The following ACAP2 variants were observed in gnomAD, a reference collection of about 807,000 sequenced individuals.
ACAP2 encodes the protein arf-GAP with coiled-coil, ANK repeat and PH domain-containing protein 2.
ACAP2 carries 39 observed loss-of-function variants against 115.8 expected under a neutral mutation model. The ratio of observed to expected loss-of-function variants is 0.34; its 90% CI spans 0.26 to 0.44. The LOEUF is 0.44. Ranked by LOEUF, ACAP2 falls within the 20% of genes least tolerant of loss-of-function variation. The probability of loss-of-function intolerance (pLI) is 1.00; values close to 1 mark genes in which losing one functional copy is unlikely to be tolerated. For synonymous variants in ACAP2, 289 were observed against 315.8 expected (o/e 0.92, Z 0.90); for missense variants, 662 against 927.6 (o/e 0.71, Z 3.72).
Position 195,437,759 on chromosome 3 carries a change from G to A in ACAP2, c.53+5036C>T, listed in dbSNP as rs571577944. On this transcript the variant is annotated intron_variant, in intron 1 of 22. Coordinates refer to ENST00000326793, the MANE Select transcript of ACAP2 (RefSeq NM_012287.6). Reference sequence around the variant, plus strand: ...GAACCAGGGAGGTGGAGGTTGCAGTGAGTGGAGATTGCACCACTGCACTCC... The same window carrying A: ...GAACCAGGGAGGTGGAGGTTGCAGTAAGTGGAGATTGCACCACTGCACTCC... 7.0e-5 allele frequency among the ~76,000 whole-genome samples: 10 copies of A among 142,076 alleles called. No individual in the cohort carries two copies. In the East Asian group the frequency reaches 2.0e-3, roughly 29 times the overall value. The allele number at this position is 142,076 out of a possible 152,430, so 93.2% of individuals were successfully genotyped here. A position where few individuals can be genotyped will look rare whatever the true frequency, so the allele number is the denominator to read the frequency against.
At chr3:195,382,762 A>C (rs1210718931) in intron 2 of ACAP2, among the ~76,000 whole-genome samples, 2 of 152,074 alleles carry the variant, frequency 1.3e-5, no homozygotes, top group African/African-American at 4.8e-5. Flanking sequence ...CCTGAGACCT[A>C]GGGGAACAGA....
intron 1 of ACAP2, among the ~76,000 whole-genome samples, chr3:195,420,990 G>C (rs555906594): frequency 5.2e-4 from 79 of 152,222 alleles, no homozygotes; most frequent in Middle Eastern, 3.4e-3. Context: ...GATAGAATAA[G>C]GAATAGGGTT....
Position 195,275,001 on chromosome 3 carries a change from A to G in ACAP2, c.*4327T>C, listed in dbSNP as rs187992034. On this transcript the variant is annotated 3_prime_UTR_variant, in exon 23 of 23. Transcript: ENST00000326793. ...CAGGTAGCAAGAAATAGTACATGTA[A>G]TAAGTCTTTATGACTGGAATGATCC... The G allele has an allele frequency of 1.3e-3, 200 of 152,780 alleles. No individual in the cohort carries two copies. Among genetic ancestry groups the G allele is most frequent in the African/African-American group, 4.5e-3 (189 of 41,580 alleles). The allele number at this position is 152,780 out of a possible 1,614,324, so 9.5% of individuals were successfully genotyped here. A position where few individuals can be genotyped will look rare whatever the true frequency, so the allele number is the denominator to read the frequency against.
chr3:195,287,041 ATTTTATTT>A (rs1726889467), intron 21 of ACAP2, among the ~76,000 whole-genome samples: 1 of 152,168 alleles, frequency 6.6e-6, no homozygotes, highest in Admixed American at 6.5e-5. Flanking sequence ...CTGTTTTGTT[ATTTTATTT>A]GGCAGAGGGG....
intron 1 of ACAP2, among the ~76,000 whole-genome samples, chr3:195,420,061 A>G (rs1714050451): frequency 2.6e-5 from 4 of 152,214 alleles, no homozygotes; most frequent in Admixed American, 2.6e-4. Flanking sequence ...GAAAGAATTT[A>G]TACTTTTGCA....
intron 4 of ACAP2, among the ~76,000 whole-genome samples, chr3:195,360,810 A>G (rs1159469929): frequency 6.6e-6 from 1 of 151,966 alleles, no homozygotes; most frequent in African/African-American, 2.4e-5. Flanking sequence ...AAAAATAAAA[A>G]AAAAAGGAAA....
intron 4 of ACAP2, among the ~76,000 whole-genome samples, chr3:195,358,132 T>C (rs1396339952): frequency 6.6e-6 from 1 of 152,124 alleles, no homozygotes; most frequent in Non-Finnish European, 1.5e-5. Context: ...GGTATCTCTA[T>C]AAGTGTCCAA....
At chr3:195,328,455 A>G (rs1177808711) in intron 8 of ACAP2, among the ~76,000 whole-genome samples, 1 of 152,196 alleles carries the variant, frequency 6.6e-6, no homozygotes, top group Non-Finnish European at 1.5e-5. Flanking sequence ...ATCTATCACT[A>G]TTATAAAGTA....
At chr3:195,389,122 A>AT (rs886405242) in intron 2 of ACAP2, among the ~76,000 whole-genome samples, 147 of 152,026 alleles carry the variant, frequency 9.7e-4, no homozygotes, top group African/African-American at 3.3e-3. Context: ...GAAAACAGTG[A>AT]TTTTTTTAAG....
intron 4 of ACAP2, among the ~76,000 whole-genome samples, chr3:195,353,080 T>TAAA (rs530794501): frequency 0.24 from 31,592 of 133,646 alleles, 4,232 homozygotes; most frequent in East Asian, 0.7. Flanking sequence ...ACTCTGTCTT[T>TAAA]AAAAAAAAAA....
intron 4 of ACAP2, among the ~76,000 whole-genome samples, chr3:195,348,910 G>T (rs1356656514): frequency 6.6e-6 from 1 of 152,146 alleles, no homozygotes; most frequent in Non-Finnish European, 1.5e-5. Context: ...CCAAGGCCAG[G>T]AATGCCTACT....
At chr3:195,414,471 C>G (rs1461153670) in intron 1 of ACAP2, among the ~76,000 whole-genome samples, 1 of 152,118 alleles carries the variant, frequency 6.6e-6, no homozygotes, top group Non-Finnish European at 1.5e-5. Flanking sequence ...CCCAAATAAG[C>G]TGAAAACATA....
Position 195,278,260 on chromosome 3 carries a change from A to G in ACAP2, c.*1068T>C, listed in dbSNP as rs1394704091. 6.6e-6 allele frequency: 1 copy of G among 152,200 alleles called. No individual in the cohort carries two copies. The highest frequency in any genetic ancestry group is 1.5e-5 in the Non-Finnish European group (1 of 68,030). 9.4% of individuals were successfully genotyped at this position (152,200 alleles called of 1,614,324 possible). ...CTATATACACGATATAATTTAAAAG[A>G]ATGTACACTGTGTACAAGTACACAA... On this transcript the variant is annotated 3_prime_UTR_variant, in exon 23 of 23. Transcript: ENST00000326793.
At chr3:195,366,900 C>T (rs1207398322) in intron 4 of ACAP2, among the ~76,000 whole-genome samples, 1 of 152,082 alleles carries the variant, frequency 6.6e-6, no homozygotes, top group East Asian at 1.9e-4. Context: ...CCGCCAAGGG[C>T]TAGATATAAT....
intron 10 of ACAP2, among the ~76,000 whole-genome samples, chr3:195,310,119 T>TATTTAAAC (rs1728668084): frequency 6.6e-6 from 1 of 151,342 alleles, no homozygotes; most frequent in Non-Finnish European, 1.5e-5. Context: ...TTAGAAATTG[T>TATTTAAAC]ATTTAGAATT....
chr3:195,383,538 A>C (rs1237259459), intron 2 of ACAP2, among the ~76,000 whole-genome samples: 1 of 152,064 alleles, frequency 6.6e-6, no homozygotes, highest in Non-Finnish European at 1.5e-5. Flanking sequence ...TTTAAACATA[A>C]AAACAGAATC....
intron 4 of ACAP2, among the ~76,000 whole-genome samples, chr3:195,376,133 C>T (rs1405703841): frequency 6.6e-6 from 1 of 152,146 alleles, no homozygotes; most frequent in Non-Finnish European, 1.5e-5. Flanking sequence ...GTGGCTCACA[C>T]CTGTAATCCT....
chr3:195,437,684 A>T (rs997056752), intron 1 of ACAP2, among the ~76,000 whole-genome samples: 6 of 151,564 alleles, frequency 4.0e-5, no homozygotes, highest in Admixed American at 3.3e-4. Flanking sequence ...GTGTGGTGGC[A>T]GGCGCCTGTA....
chr3:195,351,129 T>TTTTTGA lies in ACAP2; in HGVS notation c.286-5813_286-5812insTCAAAA, dbSNP rs75945777. Among the ~76,000 whole-genome samples the TTTTTGA allele has an allele frequency of 9.4e-4, 124 of 131,862 alleles. 1 individual carries two copies. The highest frequency in any genetic ancestry group is 3.7e-3 in the African/African-American group (119 of 32,418). 86.5% of individuals were successfully genotyped at this position (131,862 alleles called of 152,430 possible). A position where few individuals can be genotyped will look rare whatever the true frequency, so the allele number is the denominator to read the frequency against. On this transcript the variant is annotated intron_variant, in intron 4 of 22. Coordinates refer to ENST00000326793, the MANE Select transcript of ACAP2 (RefSeq NM_012287.6). ...ATGAAGATAAATCCTTTTTTTTTTT[T>TTTTTGA]GGGCGGGGGACAGGGTCTTGCTCTG...
Sources: gnomAD v4.1 joint callset for allele counts (sites outside exome capture counted in the v4.1 genomes callset) on GRCh38, gnomAD v4.1.1 for gene constraint, MANE v1.5 for transcripts, NCBI Gene and HGNC (gene_info 2026-07-23, HGNC 2026-07-21) for gene names.